TK2: variants seen among roughly 807,000 people sequenced by gnomAD.
TK2 encodes thymidine kinase 2, also known as thymidine kinase 2, mitochondrial.
In TK2, 35 loss-of-function variants were observed where a neutral mutation model predicts 41.9. The observed-to-expected ratio is 0.84, with a 90% CI of 0.64 to 1.11. The LOEUF (loss-of-function observed/expected upper bound fraction) is 1.11, where lower values mean the gene tolerates loss of function less well. Among genes scored for constraint, TK2 ranks in the 50% least tolerant of loss-of-function variants. The probability of loss-of-function intolerance (pLI) is 0.00; values close to 1 mark genes in which losing one functional copy is unlikely to be tolerated. For synonymous variants in TK2, 128 were observed against 129.1 expected (o/e 0.99, Z 0.06); for missense variants, 320 against 351.1 (o/e 0.91, Z 0.71).
At chr16:66,528,247 T>G (rs1192085455) in intron 6 of TK2, among the ~76,000 whole-genome samples, 3 of 152,124 alleles carry the variant, frequency 2.0e-5, no homozygotes, top group Non-Finnish European at 4.4e-5. Context: ...AGGTGGGGTC[T>G]GCAACCCATT....
At chr16:66,537,412 G>C (rs1447266463) in intron 3 of TK2, among the ~76,000 whole-genome samples, 6 of 152,252 alleles carry the variant, frequency 3.9e-5, no homozygotes, top group African/African-American at 1.4e-4. Flanking sequence ...AGCCAGGAGG[G>C]ACACTGGACA....
chr16:66,516,791 GAC>G (rs1964628212), intron 8 of TK2, among the ~76,000 whole-genome samples: 1 of 151,708 alleles, frequency 6.6e-6, no homozygotes, highest in African/African-American at 2.4e-5. Context: ...TTCTAGGGAG[GAC>G]ACAGAGAGCA....
Position 66,511,688 on chromosome 16 carries a change from T to C in TK2, c.*280A>G. 1.9e-6 allele frequency: 1 copy of C among 513,492 alleles called. No individual in the cohort carries two copies. The highest frequency in any genetic ancestry group is 1.9e-5 in the African/African-American group (1 of 51,974). 31.8% of individuals were successfully genotyped at this position (513,492 alleles called of 1,614,324 possible). ...ACAGGTGCTCTCCCTAAGGGCTTCA[T>C]GAGAGCGACTCAGCAGCACAAAGCC... On this transcript the variant is annotated 3_prime_UTR_variant, in exon 10 of 10. Coordinates refer to ENST00000544898, the MANE Select transcript of TK2 (RefSeq NM_004614.5).
At chr16:66,513,178 A>G (rs1449630797) in intron 9 of TK2, among the ~76,000 whole-genome samples, 15 of 152,236 alleles carry the variant, frequency 9.9e-5, no homozygotes, top group African/African-American at 3.4e-4. Flanking sequence ...CAGACACATC[A>G]ATATCAGTCA....
intron 4 of TK2, among the ~76,000 whole-genome samples, chr16:66,532,819 T>A (rs1965157416): frequency 6.6e-6 from 1 of 151,748 alleles, no homozygotes; most frequent in Non-Finnish European, 1.5e-5. Flanking sequence ...ATTTACAGAT[T>A]CAATGTAATC....
chr16:66,522,496 G>T (rs1964810103), intron 6 of TK2, among the ~76,000 whole-genome samples: 1 of 152,222 alleles, frequency 6.6e-6, no homozygotes, highest in Non-Finnish European at 1.5e-5. Context: ...ACAGTCACCT[G>T]TGTGGCCTCT....
intron 6 of TK2, among the ~76,000 whole-genome samples, chr16:66,521,005 TG>T (rs1792721544): frequency 1.3e-5 from 2 of 152,140 alleles, no homozygotes; most frequent in Admixed American, 1.3e-4. Flanking sequence ...TAGCAGCAAC[TG>T]GGGAGAAGCT....
At chr16:66,523,101 A>G (rs1365939654) in intron 6 of TK2, among the ~76,000 whole-genome samples, 1 of 152,170 alleles carries the variant, frequency 6.6e-6, no homozygotes, top group Non-Finnish European at 1.5e-5. Context: ...TACTTCGAGG[A>G]GATGCAGGAT....
rs568053516 is a variant in TK2 at position 66,514,928 on chromosome 16, G to A, written c.619-1117C>T. Among the ~76,000 whole-genome samples the A allele has an allele frequency of 1.3e-5, 2 of 152,244 alleles. No homozygotes were observed. The highest frequency in any genetic ancestry group is 3.9e-4 in the East Asian group (2 of 5,178). On this transcript the variant is annotated intron_variant, in intron 8 of 9. Transcript: ENST00000544898. The surrounding 1 kb of genome is among the most constrained non-coding windows in gnomAD (Gnocchi z 4.2). ...ACTAAGGGTTAAATGGATTAAGGGC[G>A]ATGCAAGATGTGCTTTGTTAAACAG...
At chr16:66,539,560 C>T (rs1389272974) in intron 3 of TK2, among the ~76,000 whole-genome samples, 1 of 144,544 alleles carries the variant, frequency 6.9e-6, no homozygotes, top group East Asian at 2.0e-4. Context: ...GAGATCATGC[C>T]ACTGCACTCC....
At chr16:66,524,284 G>T (rs554792307) in intron 6 of TK2, among the ~76,000 whole-genome samples, 1 of 152,234 alleles carries the variant, frequency 6.6e-6, no homozygotes, top group South Asian at 2.1e-4. Context: ...AGGGGAAAAG[G>T]GTCGTGGCAT....
rs748655443 is a variant in TK2 at position 66,513,775 on chromosome 16, A to G, written c.655T>C (p.Trp219Arg). 6.2e-7 allele frequency: 1 copy of G among 1,613,894 alleles called. No homozygotes were observed. Among genetic ancestry groups the G allele is most frequent in the Non-Finnish European group, 8.5e-7 (1 of 1,179,988 alleles). Residue 219 changes from tryptophan (W) to arginine (R), a missense_variant, in exon 9 of 10, where the codon TGG (tryptophan) becomes CGG (arginine). Coordinates refer to ENST00000544898, the MANE Select transcript of TK2 (RefSeq NM_004614.5). ...LEAIHHLHEE[W>R]LIKGSLFPMA... is the part of the protein sequence containing the mutation. ...GGGAAAAGGCTGCCTTTGATGAGCC[A>G]CTCCTCATGGAGATGGTGAATTGCT...
At chr16:66,545,031 T>C (rs1042542800) in intron 2 of TK2, among the ~76,000 whole-genome samples, 1 of 148,650 alleles carries the variant, frequency 6.7e-6, no homozygotes, top group African/African-American at 2.5e-5. Context: ...GAGGTGGAGG[T>C]TGTGGTGAGC....
intron 8 of TK2, among the ~76,000 whole-genome samples, chr16:66,515,521 C>A (rs1226315388): frequency 6.6e-6 from 1 of 152,240 alleles, no homozygotes; most frequent in Non-Finnish European, 1.5e-5. Context: ...GCTCCTCACA[C>A]AGATTCCACT....
At chr16:66,548,947 C>T (rs764713976) in intron 2 of TK2, 31 bp downstream of exon 2, 66 of 1,604,580 alleles carry the variant, frequency 4.1e-5, no homozygotes, top group Non-Finnish European at 5.5e-5. Flanking sequence ...ACCAAATTAT[C>T]CTAGAGAGTA....
rs960134317 is a variant in TK2, at chr16:66,510,421, G to C, written c.*1547C>G. 1 of 152,230 alleles carries C rather than the reference G, an allele frequency of 6.6e-6. No individual in the cohort carries two copies. The highest frequency in any genetic ancestry group is 1.5e-5 in the Non-Finnish European group (1 of 68,072). 9.4% of individuals were successfully genotyped at this position (152,230 alleles called of 1,614,324 possible). On this transcript the variant is annotated 3_prime_UTR_variant, in exon 10 of 10. Transcript: ENST00000544898. ...ACAGGTGCTGCTAGACACAGCTCCC[G>C]CCTGGCTGCTGCCTCTCATCCTGCC...
At chr16:66,525,503 G>A (rs116042247) in intron 6 of TK2, among the ~76,000 whole-genome samples, 2,935 of 152,316 alleles carry the variant, frequency 0.019, 85 homozygotes, top group African/African-American at 0.066. Context: ...GGAGGATGAG[G>A]AAGCAGTGCT....
At chr16:66,543,153 C>T (rs1243488721) in intron 2 of TK2, among the ~76,000 whole-genome samples, 4 of 152,204 alleles carry the variant, frequency 2.6e-5, no homozygotes, top group Non-Finnish European at 2.9e-5. Context: ...GGATTACAGG[C>T]GTGAGCCACT....
rs1964451592 is a variant in TK2 at position 66,511,598 on chromosome 16, A to G, written c.*370T>C. The G allele has an allele frequency of 5.5e-6, 2 of 363,140 alleles. No individual in the cohort carries two copies. Among genetic ancestry groups the G allele is most frequent in the African/African-American group, 2.1e-5 (1 of 47,392 alleles). 22.5% of individuals were successfully genotyped at this position (363,140 alleles called of 1,614,324 possible). A position where few individuals can be genotyped will look rare whatever the true frequency, so the allele number is the denominator to read the frequency against. On this transcript the variant is annotated 3_prime_UTR_variant, in exon 10 of 10. Coordinates refer to ENST00000544898, the MANE Select transcript of TK2 (RefSeq NM_004614.5). Reference sequence around the variant, plus strand: ...TCCTCACCTGGGATATAAGACTCCTACCTCGGCCTCCTAATGAAGGCTGAG... The same window carrying G: ...TCCTCACCTGGGATATAAGACTCCTGCCTCGGCCTCCTAATGAAGGCTGAG...
Sources: allele counts gnomAD v4.1 joint callset (sites outside exome capture counted in the v4.1 genomes callset), GRCh38; gene constraint gnomAD v4.1.1; non-coding constraint Gnocchi (gnomAD v3.1); transcripts MANE v1.5; gene names NCBI Gene and HGNC (gene_info 2026-07-23, HGNC 2026-07-21).